FSHR: variants seen among roughly 807,000 people sequenced by gnomAD.
FSHR encodes follicle stimulating hormone receptor, also known as follicle-stimulating hormone receptor.
Under a neutral mutation model 52.1 loss-of-function variants are expected in FSHR, and 46 were observed. The ratio of observed to expected loss-of-function variants is 0.88; its 90% CI spans 0.70 to 1.13. The LOEUF (loss-of-function observed/expected upper bound fraction) is 1.13. Among genes scored for constraint, FSHR ranks in the 50% most tolerant of loss-of-function variants. The probability of loss-of-function intolerance (pLI) is 0.00; values close to 1 mark genes in which losing one functional copy is unlikely to be tolerated. For missense variants in FSHR, 964 were observed against 834.6 expected (o/e 1.16, Z -1.91); for synonymous variants, 399 against 309.6 (o/e 1.29, Z -3.03).
intron 1 of FSHR, among the ~76,000 whole-genome samples, chr2:49,143,340 G>C (rs905157380): frequency 2.6e-5 from 4 of 152,194 alleles, no homozygotes; most frequent in Admixed American, 6.5e-5. Flanking sequence ...AATGTGAACA[G>C]ATAAGTGACC....
At chr2:49,009,397 G>T (rs560968004) in intron 4 of FSHR, among the ~76,000 whole-genome samples, 1 of 151,788 alleles carries the variant, frequency 6.6e-6, no homozygotes, top group Non-Finnish European at 1.5e-5. Flanking sequence ...TCTCTGTTTT[G>T]GTACGAGTAC....
chr2:49,100,284 T>C (rs1193121314), intron 1 of FSHR, among the ~76,000 whole-genome samples: 3 of 152,138 alleles, frequency 2.0e-5, no homozygotes, highest in African/African-American at 7.2e-5. Context: ...CTTTCCTGCT[T>C]GTAAGTGTGA....
intron 1 of FSHR, among the ~76,000 whole-genome samples, chr2:49,090,449 T>C (rs1275541080): frequency 6.6e-6 from 1 of 152,232 alleles, no homozygotes; most frequent in African/African-American, 2.4e-5. Flanking sequence ...ATAAGTAGTT[T>C]GTTCCTTTTT....
At chr2:49,073,864 G>C (rs947060285) in intron 1 of FSHR, among the ~76,000 whole-genome samples, 2 of 151,992 alleles carry the variant, frequency 1.3e-5, no homozygotes, top group Non-Finnish European at 2.9e-5. Context: ...GAACAGACTA[G>C]AGAACCCAGA....
At chr2:49,064,609 C>G (rs1463973981) in intron 2 of FSHR, among the ~76,000 whole-genome samples, 1 of 152,024 alleles carries the variant, frequency 6.6e-6, no homozygotes, top group Non-Finnish European at 1.5e-5. Context: ...GTTATAGCAG[C>G]ACAAACGGAC....
chr2:49,066,040 T>C (rs577487300), intron 2 of FSHR, among the ~76,000 whole-genome samples: 1 of 152,176 alleles, frequency 6.6e-6, no homozygotes, highest in South Asian at 2.1e-4. Context: ...ATAGAATAAT[T>C]TAATAGTGTT....
chr2:49,078,510 T>C (rs901270460), intron 1 of FSHR, among the ~76,000 whole-genome samples: 4 of 152,148 alleles, frequency 2.6e-5, no homozygotes, highest in African/African-American at 9.7e-5. Flanking sequence ...CAATGTGCAT[T>C]TAGCAGAGTC....
At chr2:49,064,255 A>C (rs35462543) in intron 2 of FSHR, among the ~76,000 whole-genome samples, 2 of 151,536 alleles carry the variant, frequency 1.3e-5, no homozygotes, top group African/African-American at 4.9e-5. Context: ...TGGTTTAAAT[A>C]TTTTTTCCTC....
At chr2:49,131,807 C>G (rs1672289813) in intron 1 of FSHR, among the ~76,000 whole-genome samples, 2 of 152,142 alleles carry the variant, frequency 1.3e-5, no homozygotes, top group Admixed American at 6.5e-5. Context: ...TCCAGAAGTT[C>G]TTTCTACCAA....
chr2:49,140,221 T>C (rs1205790065), intron 1 of FSHR, among the ~76,000 whole-genome samples: 1 of 152,136 alleles, frequency 6.6e-6, no homozygotes, highest in East Asian at 1.9e-4. Flanking sequence ...CCCTCATGAA[T>C]GGCTTGGTCA....
chr2:48,982,975 T>C lies in FSHR; in HGVS notation c.605A>G (p.Asp202Gly). The C allele has an allele frequency of 6.2e-7, 1 of 1,614,014 alleles. No homozygotes were observed. The highest frequency in any genetic ancestry group is 8.5e-7 in the Non-Finnish European group (1 of 1,179,896). ...GTQLDELNLS[D>G]NNNLEELPND... ...AGGCAATTCTTCTAAATTATTATTATCGCTTAGATTCCTGGGGATGGGGTT... is the reference window on the plus strand; with the variant it reads ...AGGCAATTCTTCTAAATTATTATTACCGCTTAGATTCCTGGGGATGGGGTT... Residue 202 changes from aspartate (D) to glycine (G), a missense_variant, in exon 8 of 10, where the codon GAT (aspartate) becomes GGT (glycine). Physicochemically the swap from Asp to Gly is moderately conservative, Grantham distance 94 (BLOSUM62 -1). Transcript: ENST00000406846.
Position 49,038,624 on chromosome 2 carries a change from C to CAAAAAA in FSHR, c.225-18465_225-18464insTTTTTT, listed in dbSNP as rs71401003. On this transcript the variant is annotated intron_variant, in intron 2 of 9. Transcript: ENST00000406846. ...TGGGCGACAGAGCAAGACTCTGTCT[C>CAAAAAA]AAAATAATAATAATAATAATAATAA... Among the ~76,000 whole-genome samples the CAAAAAA allele has an allele frequency of 2.5e-3, 165 of 65,438 alleles. 17 individuals carry two copies. The South Asian group carries it at 0.044, about 17-fold the overall frequency. 42.9% of individuals were successfully genotyped at this position (65,438 alleles called of 152,430 possible). A position where few individuals can be genotyped will look rare whatever the true frequency, so the allele number is the denominator to read the frequency against.
At chr2:49,072,234 AC>A (rs2103628764) in intron 1 of FSHR, among the ~76,000 whole-genome samples, 1 of 151,474 alleles carries the variant, frequency 6.6e-6, no homozygotes, top group South Asian at 2.1e-4. Flanking sequence ...AAACCAACCA[AC>A]CAACCAAACA....
In FSHR at chr2:48,962,737, T is replaced by G. The variant is rs1367338129; in HGVS notation, c.2084A>C (p.Asn695Thr). The change falls in exon 10 of 10, where the codon AAC (asparagine) becomes ACC (threonine). Residue 695 changes from asparagine to threonine, a missense_variant. Asn to Thr is a moderately conservative substitution (Grantham distance 65, BLOSUM62 0). Coordinates refer to ENST00000406846, the MANE Select transcript of FSHR (RefSeq NM_000145.4). Reference protein sequence around the residue: ...ILVPLSHLAQN With the variant: ...ILVPLSHLAQT ...GATACATTTTCACATTGTGTTTTAG[T>G]TTTGGGCTAAATGACTTAGAGGGAC... The G allele has an allele frequency of 6.2e-7, 1 of 1,613,592 alleles. No individual in the cohort carries two copies. Among genetic ancestry groups the G allele is most frequent in the East Asian group, 2.2e-5 (1 of 44,864 alleles).
chr2:49,130,400 A>C (rs376921223), intron 1 of FSHR, among the ~76,000 whole-genome samples: 2 of 152,326 alleles, frequency 1.3e-5, no homozygotes, highest in African/African-American at 4.8e-5. Flanking sequence ...CTCCCTGATC[A>C]TTCCAAGTTC....
chr2:48,972,820 A>T (rs1674804009), intron 8 of FSHR, among the ~76,000 whole-genome samples: 1 of 152,226 alleles, frequency 6.6e-6, no homozygotes, highest in Non-Finnish European at 1.5e-5. Context: ...AGCAATACAA[A>T]GCAGGTTATT....
intron 4 of FSHR, among the ~76,000 whole-genome samples, chr2:49,000,823 A>G (rs1666849872): frequency 6.6e-6 from 1 of 152,082 alleles, no homozygotes; most frequent in Non-Finnish European, 1.5e-5. Context: ...CAGTGTCTGA[A>G]TTTGAGCTGA....
At chr2:49,048,199 T>C (rs1455699334) in intron 2 of FSHR, among the ~76,000 whole-genome samples, 3 of 151,998 alleles carry the variant, frequency 2.0e-5, no homozygotes, top group Non-Finnish European at 1.5e-5. Flanking sequence ...ATAGCTTAAA[T>C]TGATACAATT....
At chr2:49,125,746 T>C (rs1279969701) in intron 1 of FSHR, among the ~76,000 whole-genome samples, 3 of 152,196 alleles carry the variant, frequency 2.0e-5, no homozygotes, top group Admixed American at 6.5e-5. Context: ...TTTGTAAATA[T>C]TGGACTTAGA....
Sources: gnomAD v4.1 joint callset for allele counts (sites outside exome capture counted in the v4.1 genomes callset) on GRCh38, gnomAD v4.1.1 for gene constraint, MANE v1.5 for transcripts, NCBI Gene and HGNC (gene_info 2026-07-23, HGNC 2026-07-21) for gene names.